CNTN5: variants seen among roughly 807,000 people sequenced by gnomAD.
The protein encoded by CNTN5 is contactin 5.
CNTN5 carries 77 observed loss-of-function variants against 129.1 expected under a neutral mutation model. The observed-to-expected ratio is 0.60, with a 90% CI of 0.50 to 0.72. CNTN5 has a LOEUF of 0.72. Ranked by LOEUF, CNTN5 falls within the 30% of genes least tolerant of loss-of-function variation. CNTN5 has a pLI of 0.00. For synonymous variants in CNTN5, 509 were observed against 465.6 expected, an observed-to-expected ratio of 1.09 and a Z score of -1.20; for missense variants, 1,478 against 1,328.8, an observed-to-expected ratio of 1.11 and a Z score of -1.75.
chr11:99,684,845 CT>C (rs1297635768), intron 3 of CNTN5, among the ~76,000 whole-genome samples: 2 of 151,498 alleles, frequency 1.3e-5, no homozygotes, highest in Non-Finnish European at 3.0e-5. Context: ...TTCTCTTTCT[CT>C]TTTTTTCCAT....
chr11:99,306,547 A>G (rs1421135233), intron 1 of CNTN5, among the ~76,000 whole-genome samples: 1 of 152,016 alleles, frequency 6.6e-6, no homozygotes, highest in East Asian at 1.9e-4. Flanking sequence ...TCAGAGTTTG[A>G]ATTGTTAATA....
At chr11:99,658,569 C>T (rs531797283) in intron 3 of CNTN5, among the ~76,000 whole-genome samples, 11 of 151,806 alleles carry the variant, frequency 7.2e-5, no homozygotes, top group Middle Eastern at 3.4e-3. Context: ...TTACTGCTTC[C>T]GAAAATAAAT....
chr11:99,438,941 G>A lies in CNTN5; in HGVS notation c.-71+113457G>A, dbSNP rs377270664. 1.2e-4 allele frequency among the ~76,000 whole-genome samples: 19 copies of A among 152,188 alleles called. No individual in the cohort carries two copies. The East Asian group carries it at 3.3e-3, about 26-fold the overall frequency. On this transcript the variant is annotated intron_variant, in intron 2 of 24. Transcript: ENST00000524871. ...GATGATGTTGTGACGCTATAGAACT[G>A]GTGATATGTAGTGAACAAAATAAGC... is the stretch of plus-strand genomic sequence containing the variant.
At chr11:99,807,165 T>C (rs1343665172) in intron 3 of CNTN5, among the ~76,000 whole-genome samples, 1 of 152,088 alleles carries the variant, frequency 6.6e-6, no homozygotes, top group Non-Finnish European at 1.5e-5. Context: ...AAAAAGATAA[T>C]AGATCTTAGC....
At chr11:99,241,933 C>T (rs1861581036) in intron 1 of CNTN5, among the ~76,000 whole-genome samples, 2 of 151,968 alleles carry the variant, frequency 1.3e-5, no homozygotes, top group Non-Finnish European at 2.9e-5. Flanking sequence ...CACACACATA[C>T]ATACACACAC....
At chr11:99,760,117 A>T (rs1029187776) in intron 3 of CNTN5, among the ~76,000 whole-genome samples, 1 of 152,144 alleles carries the variant, frequency 6.6e-6, no homozygotes, top group Non-Finnish European at 1.5e-5. Context: ...TTTTTCTCCA[A>T]TCCTTTTTTG....
rs1293303357 is a variant in CNTN5, at chr11:100,350,742, T to C, written c.3071T>C (p.Ile1024Thr). The C allele has an allele frequency of 3.7e-6, 6 of 1,608,632 alleles. No individual in the cohort carries two copies. The highest frequency in any genetic ancestry group is 2.2e-5 in the East Asian group (1 of 44,764). Residue 1024 changes from isoleucine (I) to threonine (T), a missense_variant, in exon 24 of 25, where the codon ATT becomes ACT. By Grantham distance (89) the Ile-to-Thr change is moderately conservative. Coordinates refer to ENST00000524871, the MANE Select transcript of CNTN5 (RefSeq NM_014361.4). The stretch of plus-strand genomic sequence containing the variant: ...GAGGGTCACAGCAACAGCCAAGTTA[T>C]TGAAACACAGAAACTTCAAGCAGTA... ...RQEGHSNSQVIETQKLQAVVP... is the reference protein window; with the variant it reads ...RQEGHSNSQVTETQKLQAVVP...
intron 8 of CNTN5, among the ~76,000 whole-genome samples, chr11:99,985,790 G>T (rs1055713108): frequency 2.0e-5 from 3 of 151,968 alleles, no homozygotes; most frequent in African/African-American, 4.8e-5. Context: ...CATCTTCCTG[G>T]CACGGTCTTC....
intron 1 of CNTN5, among the ~76,000 whole-genome samples, chr11:99,292,871 C>T (rs531765661): frequency 1.3e-5 from 2 of 152,098 alleles, no homozygotes; most frequent in African/African-American, 4.8e-5. Flanking sequence ...AATGGACCAG[C>T]CACTTCTCTA....
intron 4 of CNTN5, among the ~76,000 whole-genome samples, chr11:99,826,754 A>G (rs1946972287): frequency 6.6e-6 from 1 of 152,216 alleles, no homozygotes; most frequent in African/African-American, 2.4e-5. Flanking sequence ...GCTTCTTATT[A>G]AGGAGTCTAA....
chr11:99,505,299 G>A (rs1946577105), intron 2 of CNTN5, among the ~76,000 whole-genome samples: 2 of 152,090 alleles, frequency 1.3e-5, no homozygotes, highest in African/African-American at 2.4e-5. Context: ...ATCTCTAATG[G>A]TAGAAATTAT....
chr11:99,720,142 T>A lies in CNTN5; in HGVS notation c.56-99402T>A, dbSNP rs541279288. Reference sequence around the variant, plus strand: ...TACTATAGAAACTATTTCAAAAAATTGAGGAGGAGGGACTCCTCCACTCTA... The same window carrying A: ...TACTATAGAAACTATTTCAAAAAATAGAGGAGGAGGGACTCCTCCACTCTA... On this transcript the variant is annotated intron_variant, in intron 3 of 24. Coordinates refer to ENST00000524871, the MANE Select transcript of CNTN5 (RefSeq NM_014361.4). 1.1e-3 allele frequency among the ~76,000 whole-genome samples: 174 copies of A among 152,164 alleles called. 2 individuals carry two copies. The highest frequency in any genetic ancestry group is 3.8e-3 in the African/African-American group (159 of 41,554).
chr11:99,389,234 A>C (rs535830987), intron 2 of CNTN5, among the ~76,000 whole-genome samples: 85 of 151,926 alleles, frequency 5.6e-4, no homozygotes, highest in Middle Eastern at 3.4e-3. Flanking sequence ...CACCATGTTG[A>C]CTAGGCTGGT....
intron 2 of CNTN5, among the ~76,000 whole-genome samples, chr11:99,530,787 A>G (rs934757796): frequency 2.0e-5 from 3 of 152,100 alleles, no homozygotes; most frequent in African/African-American, 7.2e-5. Flanking sequence ...TTTCTTCCTC[A>G]TTCTCTCTTA....
At chr11:99,213,994 T>C (rs980720704) in intron 1 of CNTN5, among the ~76,000 whole-genome samples, 2 of 152,184 alleles carry the variant, frequency 1.3e-5, no homozygotes, top group Non-Finnish European at 2.9e-5. Flanking sequence ...TCATTTTCTC[T>C]ACTTGATATT....
At chr11:100,316,817 T>C (rs1436847627) in intron 21 of CNTN5, among the ~76,000 whole-genome samples, 1 of 152,238 alleles carries the variant, frequency 6.6e-6, no homozygotes, top group Non-Finnish European at 1.5e-5. Flanking sequence ...GGACTCATTT[T>C]AACAATAAGC....
At chr11:100,018,938 T>A (rs1940976058) in intron 9 of CNTN5, among the ~76,000 whole-genome samples, 1 of 151,964 alleles carries the variant, frequency 6.6e-6, no homozygotes, top group Admixed American at 6.6e-5. Context: ...TGTGCTTATT[T>A]GATAACTGCA....
At chr11:99,718,587 T>A (rs2135009779) in intron 3 of CNTN5, among the ~76,000 whole-genome samples, 1 of 152,162 alleles carries the variant, frequency 6.6e-6, no homozygotes, top group South Asian at 2.1e-4. Context: ...AAAGACAGTT[T>A]AAAGGAAAAA....
At chr11:99,427,448 G>C (rs1943170693) in intron 2 of CNTN5, among the ~76,000 whole-genome samples, 1 of 152,110 alleles carries the variant, frequency 6.6e-6, no homozygotes, top group African/African-American at 2.4e-5. Flanking sequence ...AGACATAATA[G>C]AAGTTAAGCT....
Sources: allele counts gnomAD v4.1 joint callset (sites outside exome capture counted in the v4.1 genomes callset), GRCh38; gene constraint gnomAD v4.1.1; transcripts MANE v1.5; gene names NCBI Gene and HGNC (gene_info 2026-07-23, HGNC 2026-07-21).